MSH5: variants seen among roughly 807,000 people sequenced by gnomAD.
MSH5 encodes the protein mutS homolog 5, also known as mutS protein homolog 5.
MSH5 carries 78 observed loss-of-function variants against 107.7 expected under a neutral mutation model. That is an observed-to-expected ratio of 0.72 (90% CI 0.60 to 0.87). MSH5 has a LOEUF of 0.87. MSH5 is among the 40% of genes least tolerant of loss of function. The probability of loss-of-function intolerance (pLI) is 0.00; values close to 1 mark genes in which losing one functional copy is unlikely to be tolerated. For missense variants in MSH5, 889 were observed against 1,046.6 expected, an observed-to-expected ratio of 0.85 and a Z score of 2.08; for synonymous variants, 326 against 399.5, an observed-to-expected ratio of 0.82 and a Z score of 2.19.
chr6:31,741,026 C>T, intron 2 of MSH5, 137 bp from the exon 3 acceptor site: 2 of 1,082,602 alleles, frequency 1.8e-6, no homozygotes, highest in Non-Finnish European at 2.6e-6. Flanking sequence ...TCCTGAGTGG[C>T]TGTTTCACAT....
rs2151375344 is a variant in MSH5 at position 31,758,446 on chromosome 6, G to A, written c.1144-102G>A. 1.3e-6 allele frequency: 2 copies of A among 1,556,806 alleles called. No individual in the cohort carries two copies. The highest frequency in any genetic ancestry group is 1.8e-6 in the Non-Finnish European group (2 of 1,132,912). On this transcript the variant is annotated intron_variant, in intron 13 of 24. Coordinates refer to ENST00000375750, the MANE Select transcript of MSH5 (RefSeq NM_172166.4). The surrounding 1 kb of genome is among the most constrained non-coding windows in gnomAD (Gnocchi z 5.1). ...AGAACTTCAGGGAAGTATCTGGAGGGTGAGAGTTAAAGGAGGACTGCAGGG... is the reference window on the plus strand; with the variant it reads ...AGAACTTCAGGGAAGTATCTGGAGGATGAGAGTTAAAGGAGGACTGCAGGG...
chr6:31,762,233 C>A, intron 24 of MSH5, 48 bp downstream of exon 24: 2 of 1,586,428 alleles, frequency 1.3e-6, no homozygotes, highest in Non-Finnish European at 1.7e-6. Flanking sequence ...TCTTCTCCTG[C>A]AACTCTTCTC....
Position 31,761,122 on chromosome 6 carries a change from C to A in MSH5, c.1963-66C>A. ...CATGTATACAGCTTTATTCACAGGCCAACTGTGGTCAGTGCGTTACGGGCT... is the reference window on the plus strand; with the variant it reads ...CATGTATACAGCTTTATTCACAGGCAAACTGTGGTCAGTGCGTTACGGGCT... On this transcript the variant is annotated intron_variant, in intron 20 of 24. Transcript: ENST00000375750. The surrounding 1 kb of genome is among the most constrained non-coding windows in gnomAD (Gnocchi z 5.3). The A allele has an allele frequency of 6.7e-7, 1 of 1,492,066 alleles. No individual in the cohort carries two copies. Among genetic ancestry groups the A allele is most frequent in the Non-Finnish European group, 9.2e-7 (1 of 1,083,272 alleles). The allele number at this position is 1,492,066 out of a possible 1,614,324, so 92.4% of individuals were successfully genotyped here.
chr6:31,746,600 C>T (rs1273134044), intron 9 of MSH5, among the ~76,000 whole-genome samples: 1 of 151,682 alleles, frequency 6.6e-6, no homozygotes, highest in Non-Finnish European at 1.5e-5. Flanking sequence ...AGGCCTGCAC[C>T]ACCATGCCCA....
At chr6:31,749,948 C>CT (rs1287485901) in intron 10 of MSH5, among the ~76,000 whole-genome samples, 1 of 152,192 alleles carries the variant, frequency 6.6e-6, no homozygotes, top group East Asian at 1.9e-4. Flanking sequence ...AGGATAATCT[C>CT]TGAGGTCATC....
At chr6:31,745,454 T>C in intron 9 of MSH5, 135 bp downstream of exon 9, 2 of 660,814 alleles carry the variant, frequency 3.0e-6, no homozygotes, top group Admixed American at 2.8e-5. Context: ...TCCAAATTTC[T>C]TACCTATTTG....
intron 10 of MSH5, among the ~76,000 whole-genome samples, chr6:31,748,333 GCATGT>G (rs1809644171): frequency 6.8e-6 from 1 of 147,438 alleles, no homozygotes; most frequent in African/African-American, 2.5e-5. Context: ...AGAGATCTAA[GCATGT>G]CACTCCTTTT....
rs1387757964 is a variant in MSH5, at chr6:31,761,956, G to T, written c.2319+1G>T. The T allele has an allele frequency of 1.9e-6, 3 of 1,613,810 alleles. No individual in the cohort carries two copies. The highest frequency in any genetic ancestry group is 2.5e-6 in the Non-Finnish European group (3 of 1,179,984). On this transcript the variant is annotated splice_donor_variant, in intron 23 of 24. Transcript: ENST00000375750. LOFTEE classifies it high-confidence loss of function. The surrounding 1 kb of genome is among the most constrained non-coding windows in gnomAD (Gnocchi z 5.3). ...CAAGCTTGTGGCTCGTGGCAAGGAG[G>T]TGATGAGATCCAAATGTGCAACCAC...
chr6:31,761,886 G>A lies in MSH5; in HGVS notation c.2250G>A (p.Lys750=), dbSNP rs1401975702. 1 of 1,613,432 alleles carries A rather than the reference G, an allele frequency of 6.2e-7. No homozygotes were observed. The highest frequency in any genetic ancestry group is 8.5e-7 in the Non-Finnish European group (1 of 1,180,046). The change falls in exon 23 of 25, where the codon AAG becomes AAA. Residue 750 remains lysine (K), a synonymous_variant. Transcript: ENST00000375750. The surrounding 1 kb of genome is among the most constrained non-coding windows in gnomAD (Gnocchi z 5.3). The part of the protein sequence containing the change: ...FFYQVCEGVA[K]ASHASHTAAQ... ...ATCAGGTTTGCGAAGGTGTTGCGAA[G>A]GCCAGCCATGCCTCCCACACAGCTG...
intron 3 of MSH5, 135 bp from the exon 4 acceptor site, chr6:31,742,742 T>C: frequency 2.6e-6 from 2 of 756,632 alleles, no homozygotes; most frequent in South Asian, 1.7e-5. Flanking sequence ...GTGTTCCCAC[T>C]GTGCAGAGCA....
chr6:31,745,079 G>C (rs1345357432), intron 8 of MSH5, among the ~76,000 whole-genome samples, 158 bp from the exon 9 acceptor site: 1 of 140,850 alleles, frequency 7.1e-6, no homozygotes, highest in Non-Finnish European at 1.5e-5. Context: ...ACTCCAGCCT[G>C]GGCGACAGAG....
In MSH5 at chr6:31,761,520, C is replaced by T. The variant is rs760800506; in HGVS notation, c.2086C>T (p.Arg696Cys). ...LAAVLRHWLA[R>C]GPTCPHIFVA... ...CGCTGTGCTCCGACACTGGCTGGCACGTGGACCCACATGCCCCCACATCTT... is the reference window on the plus strand; with the variant it reads ...CGCTGTGCTCCGACACTGGCTGGCATGTGGACCCACATGCCCCCACATCTT... Residue 696 changes from arginine (R) to cysteine (C), a missense_variant, in exon 22 of 25, where the codon CGT becomes TGT. Transcript: ENST00000375750. The surrounding 1 kb of genome is among the most constrained non-coding windows in gnomAD (Gnocchi z 5.3). 5 of 1,613,790 alleles carry T rather than the reference C, an allele frequency of 3.1e-6. No homozygotes were observed. The highest frequency in any genetic ancestry group is 4.2e-6 in the Non-Finnish European group (5 of 1,180,034).
chr6:31,748,807 C>A (rs547977898), intron 10 of MSH5, among the ~76,000 whole-genome samples: 1 of 152,122 alleles, frequency 6.6e-6, no homozygotes, highest in Non-Finnish European at 1.5e-5. Context: ...TTCCAAAGCC[C>A]CTTCTAAGTC....
At chr6:31,743,828 C>A in intron 5 of MSH5, 76 bp from the exon 6 acceptor site, 5 of 1,571,522 alleles carry the variant, frequency 3.2e-6, no homozygotes, top group Non-Finnish European at 4.3e-6. Flanking sequence ...TCTCTTGCTT[C>A]TATTGTCTCA....
In MSH5 at chr6:31,758,854, C is replaced by T; in HGVS notation, c.1305C>T (p.Cys435=). 6.2e-7 allele frequency: 1 copy of T among 1,614,030 alleles called. No homozygotes were observed. The highest frequency in any genetic ancestry group is 8.5e-7 in the Non-Finnish European group (1 of 1,179,896). ...LENLDSRIPS[C]SVIYIPLIGF... ...ATCTGGACTCCCGTATTCCTTCATG[C>T]AGTGTCATCTACATCCCTCTGGTGA... The change falls in exon 15 of 25, where the codon TGC becomes TGT. Residue 435 remains cysteine (C), a synonymous_variant. Coordinates refer to ENST00000375750, the MANE Select transcript of MSH5 (RefSeq NM_172166.4). The surrounding 1 kb of genome is among the most constrained non-coding windows in gnomAD (Gnocchi z 5.1).
chr6:31,744,334 G>T (rs779368288), intron 7 of MSH5, 35 bp downstream of exon 7: 1 of 1,613,246 alleles, frequency 6.2e-7, no homozygotes, highest in Non-Finnish European at 8.5e-7. Flanking sequence ...CCAAAGTAAT[G>T]TGGGATTGGG....
chr6:31,760,646 G>GC lies in MSH5; in HGVS notation c.1813-41dup. Reference sequence around the variant, plus strand: ...TGCCTTGAGCCTCACTTTCACCTCAGCCCACGGCACCAGGCCCCAGGCCCT... The same window carrying GC: ...TGCCTTGAGCCTCACTTTCACCTCAGCCCCACGGCACCAGGCCCCAGGCCCT... On this transcript the variant is annotated intron_variant, in intron 19 of 24. Coordinates refer to ENST00000375750, the MANE Select transcript of MSH5 (RefSeq NM_172166.4). The surrounding 1 kb of genome is among the most constrained non-coding windows in gnomAD (Gnocchi z 5.6). 6.2e-7 allele frequency: 1 copy of GC among 1,611,898 alleles called. No homozygotes were observed. Among genetic ancestry groups the GC allele is most frequent in the Non-Finnish European group, 8.5e-7 (1 of 1,179,920 alleles).
intron 9 of MSH5, 74 bp from the exon 10 acceptor site, chr6:31,747,313 C>T (rs1809549769): frequency 6.5e-7 from 1 of 1,534,516 alleles, no homozygotes; most frequent in Admixed American, 1.7e-5. Context: ...GATGCCTCAG[C>T]TTAGACACAT....
At chr6:31,752,469 T>C (rs1039125660) in intron 10 of MSH5, among the ~76,000 whole-genome samples, 2 of 151,776 alleles carry the variant, frequency 1.3e-5, no homozygotes, top group African/African-American at 4.8e-5. Context: ...ACGCCTGTAA[T>C]CCCAGCACTT....
Sources: allele counts gnomAD v4.1 joint callset (sites outside exome capture counted in the v4.1 genomes callset), GRCh38; gene constraint gnomAD v4.1.1; non-coding constraint Gnocchi (gnomAD v3.1); transcripts MANE v1.5; gene names NCBI Gene and HGNC (gene_info 2026-07-23, HGNC 2026-07-21).